AK9: variants seen among roughly 807,000 people sequenced by gnomAD.
AK9 encodes adenylate kinase domain containing 1.
Under a neutral mutation model 239.6 loss-of-function variants are expected in AK9, and 191 were observed. The observed-to-expected ratio is 0.80, with a 90% CI of 0.71 to 0.90. AK9 has a LOEUF of 0.90. Among genes scored for constraint, AK9 ranks in the 40% least tolerant of loss-of-function variants. AK9 has a pLI of 0.00. For synonymous variants in AK9, 689 were observed against 721.0 expected (o/e 0.96, Z 0.71); for missense variants, 1,995 against 2,214.7 (o/e 0.90, Z 1.99).
At chr6:109,537,112 G>C (rs1382326698) in intron 27 of AK9, among the ~76,000 whole-genome samples, 2 of 152,130 alleles carry the variant, frequency 1.3e-5, no homozygotes, top group African/African-American at 2.4e-5. Flanking sequence ...GATGATGTTG[G>C]CCTCATAAAA....
chr6:109,573,437 C>T lies in AK9; in HGVS notation c.2344+5G>A. On this transcript the variant is annotated splice_donor_5th_base_variant and intron_variant, in intron 21 of 40. Coordinates refer to ENST00000424296, the MANE Select transcript of AK9 (RefSeq NM_001145128.3). ...ATTAAGAACTTGCTATCAATAAAGT[C>T]TAACCTGCTTCAGGCTCAGTTTCAG... The T allele has an allele frequency of 6.5e-7, 1 of 1,545,712 alleles. No homozygotes were observed. Among genetic ancestry groups the T allele is most frequent in the South Asian group, 1.2e-5 (1 of 82,792 alleles).
At chr6:109,549,983 G>C in intron 25 of AK9, 107 bp downstream of exon 25, 1 of 1,211,412 alleles carries the variant, frequency 8.3e-7, no homozygotes, top group Non-Finnish European at 1.2e-6. Flanking sequence ...TCTTTATATT[G>C]TAATATCAGA....
chr6:109,638,554 C>T (rs1194735097), intron 10 of AK9, among the ~76,000 whole-genome samples: 2 of 152,178 alleles, frequency 1.3e-5, no homozygotes, highest in Non-Finnish European at 2.9e-5. Context: ...AATCATGGCT[C>T]ACTGCAGCCT....
chr6:109,642,373 G>T (rs1797561555), intron 9 of AK9, among the ~76,000 whole-genome samples: 1 of 152,206 alleles, frequency 6.6e-6, no homozygotes, highest in Non-Finnish European at 1.5e-5. Context: ...TCCTGATGGT[G>T]TGTGGTAGCC....
chr6:109,586,339 C>T lies in AK9; in HGVS notation c.1843-267G>A, dbSNP rs117633090. On this transcript the variant is annotated intron_variant, in intron 17 of 40. Coordinates refer to ENST00000424296, the MANE Select transcript of AK9 (RefSeq NM_001145128.3). ...GCTGAGGCAGGAGGATTGCTTGAGC[C>T]CAGGTGTTTGAGGTTGCAGTAAGCT... Among the ~76,000 whole-genome samples the T allele has an allele frequency of 2.2e-4, 33 of 152,226 alleles. No individual in the cohort carries two copies. The East Asian group carries it at 6.4e-3, about 29-fold the overall frequency.
At chr6:109,610,037 C>T (rs1254921409) in intron 17 of AK9, among the ~76,000 whole-genome samples, 1 of 152,084 alleles carries the variant, frequency 6.6e-6, no homozygotes, top group South Asian at 2.1e-4. Context: ...ATAGATGAAA[C>T]ATATAACTTT....
chr6:109,579,757 T>C, intron 19 of AK9, 131 bp from the exon 20 acceptor site: 1 of 783,744 alleles, frequency 1.3e-6, no homozygotes. Context: ...TGTATATTTT[T>C]AAATTACTCA....
intron 12 of AK9, among the ~76,000 whole-genome samples, chr6:109,621,908 A>T (rs1322624647): frequency 2.5e-5 from 1 of 40,724 alleles, no homozygotes; most frequent in Admixed American, 4.1e-4. Flanking sequence ...AAAAAAAAAA[A>T]AAAACAAAAA....
At chr6:109,681,524 C>T (rs1772637929) in intron 1 of AK9, among the ~76,000 whole-genome samples, 1 of 152,088 alleles carries the variant, frequency 6.6e-6, no homozygotes, top group African/African-American at 2.4e-5. Flanking sequence ...ATTGTCAATA[C>T]TAGACAGATC....
intron 4 of AK9, 27 bp downstream of exon 4, chr6:109,672,088 G>A (rs12197838): frequency 0.39 from 622,307 of 1,611,682 alleles, 121,995 homozygotes; most frequent in East Asian, 0.45. Flanking sequence ...TGTAATCATA[G>A]TTACTTTGAA....
intron 10 of AK9, among the ~76,000 whole-genome samples, chr6:109,633,548 T>A (rs914844989): frequency 1.3e-5 from 2 of 152,208 alleles, no homozygotes; most frequent in African/African-American, 4.8e-5. Context: ...ACCCTTGTTT[T>A]ACAAAGAACT....
chr6:109,626,970 C>A (rs1311479621), intron 12 of AK9, among the ~76,000 whole-genome samples: 2 of 151,970 alleles, frequency 1.3e-5, no homozygotes, highest in Admixed American at 6.5e-5. Flanking sequence ...AATAAATTAA[C>A]CTTGTCTTAT....
chr6:109,682,342 G>A (rs1403610243), intron 1 of AK9, among the ~76,000 whole-genome samples: 9 of 150,856 alleles, frequency 6.0e-5, no homozygotes, highest in Non-Finnish European at 1.3e-4. Context: ...CAGGAGAATG[G>A]CGTGAACCCG....
chr6:109,564,824 G>A lies in AK9; in HGVS notation c.2366C>T (p.Thr789Ile). The A allele has an allele frequency of 6.5e-7, 1 of 1,544,924 alleles. No individual in the cohort carries two copies. Among genetic ancestry groups the A allele is most frequent in the Non-Finnish European group, 8.7e-7 (1 of 1,143,846 alleles). ...PEAVSEPIEE[T>I]TVETEIPKGS... ...TTTTGGGATTTCTGTTTCCACTGTA[G>A]TTTCCTCGATAGGCTCAGATACTTA... Residue 789 changes from threonine to isoleucine, a missense_variant, in exon 22 of 41, where the codon ACT becomes ATT. Physicochemically the swap from Thr to Ile is moderately conservative, Grantham distance 89. Around this residue, in one of 5 missense-constraint regions of AK9, gnomAD observed 1,290 missense variants for 1,392.7 expected, o/e 0.93. Transcript: ENST00000424296.
intron 27 of AK9, among the ~76,000 whole-genome samples, 160 bp downstream of exon 27, chr6:109,541,887 C>G (rs1249251097): frequency 6.6e-6 from 1 of 152,160 alleles, no homozygotes; most frequent in African/African-American, 2.4e-5. Context: ...TTTTTAAAGA[C>G]TCTACAGATG....
intron 35 of AK9, among the ~76,000 whole-genome samples, chr6:109,501,070 C>G (rs543454142): frequency 6.6e-6 from 1 of 152,010 alleles, no homozygotes; most frequent in Non-Finnish European, 1.5e-5. Flanking sequence ...GGAGAAGCAC[C>G]CTGTAATCGA....
At chr6:109,594,781 C>T (rs1399159948) in intron 17 of AK9, among the ~76,000 whole-genome samples, 9 of 152,168 alleles carry the variant, frequency 5.9e-5, no homozygotes, top group Admixed American at 3.9e-4. Flanking sequence ...GTTTAATAAA[C>T]GCTGTTGGGA....
chr6:109,564,173 T>C lies in AK9; in HGVS notation c.2542A>G (p.Thr848Ala). Residue 848 changes from threonine (T) to alanine (A), a missense_variant, in exon 23 of 41, where the codon ACA becomes GCA. Around this residue, in one of 5 missense-constraint regions of AK9, gnomAD observed 1,290 missense variants for 1,392.7 expected, o/e 0.93. Coordinates refer to ENST00000424296, the MANE Select transcript of AK9 (RefSeq NM_001145128.3). ...FIILWKQLEA[T>A]ISEAYIKILN... ...ATTTTAATGTAAGCCTCACTAATTG[T>C]TGCTTCTAGCTGTTTCCAGAGGATG... The C allele has an allele frequency of 6.4e-7, 1 of 1,551,462 alleles. No individual in the cohort carries two copies. The highest frequency in any genetic ancestry group is 8.7e-7 in the Non-Finnish European group (1 of 1,146,862).
chr6:109,545,925 A>G lies in AK9; in HGVS notation c.3167T>C (p.Leu1056Pro). ...SENEQAAKQE[L>P]EELAIQANVK... Reference sequence around the variant, plus strand: ...ATTGGCCTGAATTGCAAGCTCTTCAAGTTCTTGTTTGGCAGCTTGCTCGTT... The same window carrying G: ...ATTGGCCTGAATTGCAAGCTCTTCAGGTTCTTGTTTGGCAGCTTGCTCGTT... Residue 1056 changes from leucine (L) to proline (P), a missense_variant, in exon 26 of 41, where the codon CTT becomes CCT. By Grantham distance (98) the Leu-to-Pro change is moderately conservative. Transcript: ENST00000424296. 2 of 1,614,034 alleles carry G rather than the reference A, an allele frequency of 1.2e-6. No individual in the cohort carries two copies. Among genetic ancestry groups the G allele is most frequent in the East Asian group, 2.2e-5 (1 of 44,888 alleles).
Sources: gnomAD v4.1 joint callset for allele counts (sites outside exome capture counted in the v4.1 genomes callset) on GRCh38, gnomAD v4.1.1 for gene constraint, gnomAD v4.1.1 regional missense constraint, MANE v1.5 for transcripts, NCBI Gene and HGNC (gene_info 2026-07-23, HGNC 2026-07-21) for gene names.